Variants in ERBIN observed in about 807,000 individuals in gnomAD.
The protein encoded by ERBIN is erbb2 interacting protein.
In ERBIN, 60 loss-of-function variants were observed where a neutral mutation model predicts 158.4. That is an observed-to-expected ratio of 0.38 (90% CI 0.31 to 0.47). ERBIN has a LOEUF of 0.47. ERBIN is among the 20% of genes least tolerant of loss of function. ERBIN has a pLI of 0.99. For synonymous variants in ERBIN, 594 were observed against 557.2 expected, an observed-to-expected ratio of 1.07 and a Z score of -0.93; for missense variants, 1,610 against 1,648.0, an observed-to-expected ratio of 0.98 and a Z score of 0.40.
intron 5 of ERBIN, 102 bp downstream of exon 5, chr5:66,012,229 T>G: frequency 1.5e-6 from 1 of 667,250 alleles, no homozygotes; most frequent in Non-Finnish European, 2.5e-6. Flanking sequence ...ATATCAATCT[T>G]AAGTCTATAC....
chr5:66,073,815 T>G (rs1761734432), intron 22 of ERBIN, among the ~76,000 whole-genome samples: 1 of 152,160 alleles, frequency 6.6e-6, no homozygotes, highest in Admixed American at 6.5e-5. Flanking sequence ...AGTTAATAGC[T>G]GAACCATATT....
chr5:66,076,028 G>A (rs199781829), intron 23 of ERBIN: 7 of 322,280 alleles, frequency 2.2e-5, no homozygotes, highest in South Asian at 8.8e-5. Flanking sequence ...AATCTGTGAC[G>A]TCTAAAAAGT....
chr5:66,024,012 T>C (rs1352873652), intron 9 of ERBIN, among the ~76,000 whole-genome samples: 1 of 152,094 alleles, frequency 6.6e-6, no homozygotes, highest in Admixed American at 6.5e-5. Flanking sequence ...AATTGTTTAC[T>C]CCCATAAAAA....
At chr5:65,938,371 CT>C (rs4019046) in intron 1 of ERBIN, among the ~76,000 whole-genome samples, 77,864 of 121,412 alleles carry the variant, frequency 0.64, 23,805 homozygotes, top group South Asian at 0.72. Flanking sequence ...AGGCATAGGT[CT>C]TTTTTTTTTT....
intron 4 of ERBIN, among the ~76,000 whole-genome samples, chr5:65,996,236 TC>T (rs1304148799): frequency 2.9e-5 from 4 of 139,044 alleles, no homozygotes; most frequent in Non-Finnish European, 6.1e-5. Context: ...ATTTTTTTTT[TC>T]CTAGTAGTTT....
At chr5:66,030,768 A>C (rs781102507) in intron 14 of ERBIN, among the ~76,000 whole-genome samples, 14 of 151,402 alleles carry the variant, frequency 9.2e-5, no homozygotes, top group Non-Finnish European at 1.9e-4. Flanking sequence ...ACAAGATCTC[A>C]TGATATTGCC....
Position 66,025,510 on chromosome 5 carries a change from T to C in ERBIN, c.848T>C (p.Ile283Thr), listed in dbSNP as rs746860482. ...GSLKNITTLK[I>T]DENQLMYLPD... The stretch of plus-strand genomic sequence containing the variant: ...TTGAAGAATATAACAACGCTTAAAA[T>C]AGATGAAAACCAGTTAATGTATCTG... The change falls in exon 11 of 26, where the codon ATA (isoleucine) becomes ACA (threonine). Residue 283 changes from isoleucine (I) to threonine (T), a missense_variant. This residue lies in a region of ERBIN where 596 missense variants were observed against 711.9 expected (regional missense o/e 0.84). Transcript: ENST00000284037. 9 of 1,612,478 alleles carry C rather than the reference T, an allele frequency of 5.6e-6. No individual in the cohort carries two copies. Among genetic ancestry groups the C allele is most frequent in the Admixed American group, 1.7e-5 (1 of 59,980 alleles).
chr5:66,054,000 G>A lies in ERBIN; in HGVS notation c.2682G>A (p.Gln894=), dbSNP rs1759321815. 2 of 1,613,976 alleles carry A rather than the reference G, an allele frequency of 1.2e-6. No homozygotes were observed. Among genetic ancestry groups the A allele is most frequent in the South Asian group, 1.1e-5 (1 of 91,076 alleles). ...YDILSDNGPQ[Q]PSTTVKITSA... is the part of the protein sequence containing the mutation. ...TTCTTAGTGATAATGGACCTCAGCA[G>A]CCAAGTACAACCGTTAAAATCACAT... The change falls in exon 21 of 26, where the codon CAG becomes CAA. Residue 894 remains glutamine, a synonymous_variant. Transcript: ENST00000284037.
chr5:65,977,288 C>T (rs1256426810), intron 1 of ERBIN, among the ~76,000 whole-genome samples: 6 of 144,344 alleles, frequency 4.2e-5, no homozygotes, highest in South Asian at 4.5e-4. Flanking sequence ...GCTGGCCGGG[C>T]GGGGGGCTGA....
intron 1 of ERBIN, among the ~76,000 whole-genome samples, chr5:65,937,577 T>C (rs1288304866): frequency 6.6e-6 from 1 of 152,186 alleles, no homozygotes; most frequent in African/African-American, 2.4e-5. Context: ...TTTAAATGAA[T>C]TTTCCAGGTG....
chr5:66,032,816 G>C (rs1757023324), intron 14 of ERBIN, among the ~76,000 whole-genome samples: 1 of 152,210 alleles, frequency 6.6e-6, no homozygotes, highest in Non-Finnish European at 1.5e-5. Context: ...TGCATCAATA[G>C]AGCATGAAGC....
intron 1 of ERBIN, among the ~76,000 whole-genome samples, chr5:65,946,060 A>G (rs1039209307): frequency 2.0e-5 from 3 of 152,066 alleles, no homozygotes; most frequent in Non-Finnish European, 4.4e-5. Flanking sequence ...TGTCTTTTCA[A>G]AAATGTTATA....
chr5:65,992,933 T>C, intron 3 of ERBIN, 26 bp downstream of exon 3: 1 of 1,456,994 alleles, frequency 6.9e-7, no homozygotes, highest in South Asian at 1.4e-5. Flanking sequence ...CTTTCAAGAA[T>C]TATCTTTGGT....
In ERBIN at chr5:65,987,860, T is replaced by TCTTAGAAGGGAAAATAAATCC. The variant is rs1218962158; in HGVS notation, c.-57-773_-57-753dup. On this transcript the variant is annotated intron_variant, in intron 1 of 25. Transcript: ENST00000284037. ...ACGTCTCCAAAAAAAAAAAAAAAAA[T>TCTTAGAAGGGAAAATAAATCC]CTTAGAAGGGAAAATAAATCCCATA... 2.0e-3 allele frequency among the ~76,000 whole-genome samples: 301 copies of TCTTAGAAGGGAAAATAAATCC among 147,430 alleles called. 1 individual carries two copies. The highest frequency in any genetic ancestry group is 7.2e-3 in the African/African-American group (286 of 39,528).
intron 7 of ERBIN, among the ~76,000 whole-genome samples, chr5:66,015,073 A>G (rs1393181082): frequency 6.6e-6 from 1 of 152,180 alleles, no homozygotes; most frequent in Non-Finnish European, 1.5e-5. Context: ...CTCATTAGAA[A>G]GATCCATAGG....
intron 19 of ERBIN, among the ~76,000 whole-genome samples, chr5:66,049,517 C>G (rs1267617006): frequency 6.6e-6 from 1 of 151,984 alleles, no homozygotes; most frequent in East Asian, 1.9e-4. Flanking sequence ...CTAATTGTCA[C>G]AATAACCCCC....
chr5:66,041,962 A>G (rs899174425), intron 15 of ERBIN, among the ~76,000 whole-genome samples: 3 of 152,094 alleles, frequency 2.0e-5, no homozygotes, highest in African/African-American at 7.2e-5. Flanking sequence ...TAATGAAAAC[A>G]AAGAAAAGGC....
rs1406153591 is a variant in ERBIN, at chr5:66,078,806, G to C, written c.*276G>C. ...AACAAACCTGTGTTGTTTTTGTATA[G>C]ATTGTAGGTTTATTTTTGGATTTCA... On this transcript the variant is annotated 3_prime_UTR_variant, in exon 26 of 26. Transcript: ENST00000284037. The C allele has an allele frequency of 2.8e-6, 1 of 356,274 alleles. No homozygotes were observed. The highest frequency in any genetic ancestry group is 2.2e-5 in the African/African-American group (1 of 45,650). The allele number at this position is 356,274 out of a possible 1,614,324, so 22.1% of individuals were successfully genotyped here.
chr5:66,026,576 TC>T (rs1756280161), intron 13 of ERBIN, among the ~76,000 whole-genome samples, 159 bp downstream of exon 13: 1 of 152,080 alleles, frequency 6.6e-6, no homozygotes, highest in African/African-American at 2.4e-5. Context: ...AGTGTGACTT[TC>T]AGTGAAACAA....
Sources: allele counts gnomAD v4.1 joint callset (sites outside exome capture counted in the v4.1 genomes callset), GRCh38; gene constraint gnomAD v4.1.1; regional missense constraint gnomAD v4.1.1; transcripts MANE v1.5; gene names NCBI Gene and HGNC (gene_info 2026-07-23, HGNC 2026-07-21).